THSD7B: variants seen among roughly 807,000 people sequenced by gnomAD.
THSD7B encodes the protein thrombospondin type-1 domain-containing protein 7B.
A neutral mutation model predicts 213.6 loss-of-function variants in THSD7B; 138 were observed. That is an observed-to-expected ratio of 0.65 (90% CI 0.56 to 0.74). THSD7B has a LOEUF of 0.74. Among genes scored for constraint, THSD7B ranks in the 30% least tolerant of loss-of-function variants. The pLI, the probability that THSD7B is intolerant of heterozygous loss-of-function variation, is 0.00. For missense variants in THSD7B, 1,931 were observed against 1,991.5 expected, an observed-to-expected ratio of 0.97 and a Z score of 0.58; for synonymous variants, 742 against 687.0, an observed-to-expected ratio of 1.08 and a Z score of -1.25.
At chr2:137,140,159 A>G (rs1005710887) in intron 5 of THSD7B, among the ~76,000 whole-genome samples, 1 of 151,930 alleles carries the variant, frequency 6.6e-6, no homozygotes, top group African/African-American at 2.4e-5. Context: ...CACACACACT[A>G]TATATATATA....
intron 12 of THSD7B, among the ~76,000 whole-genome samples, chr2:137,282,995 C>T (rs1205031467): frequency 3.3e-5 from 5 of 152,100 alleles, no homozygotes; most frequent in South Asian, 2.1e-4. Flanking sequence ...TTACCTTGGG[C>T]AGTATGGCCA....
At chr2:136,890,331 C>T (rs1573691592) in intron 2 of THSD7B, among the ~76,000 whole-genome samples, 1 of 3,238 alleles carries the variant, frequency 3.1e-4, no homozygotes, top group African/African-American at 8.5e-4. Context: ...TCTTCTTCTT[C>T]TTCTTCTTCT....
chr2:137,614,530 A>G (rs1682347557), intron 17 of THSD7B, among the ~76,000 whole-genome samples: 1 of 152,128 alleles, frequency 6.6e-6, no homozygotes, highest in African/African-American at 2.4e-5. Flanking sequence ...AGATACTTTC[A>G]TTTTATTTTA....
chr2:137,645,764 A>G (rs1456148797), intron 21 of THSD7B, among the ~76,000 whole-genome samples: 1 of 152,146 alleles, frequency 6.6e-6, no homozygotes, highest in Non-Finnish European at 1.5e-5. Flanking sequence ...CATGTATGTT[A>G]CAGTATCTTT....
Position 137,318,529 on chromosome 2 carries a change from C to T in THSD7B, c.2500+42503C>T, listed in dbSNP as rs561236970. On this transcript the variant is annotated intron_variant, in intron 12 of 27. Transcript: ENST00000409968. ...CAGAGGTAATACCCTCACTCCCCCGCCCCCATCCAAAAAAAGCAGGGCACT... is the reference window on the plus strand; with the variant it reads ...CAGAGGTAATACCCTCACTCCCCCGTCCCCATCCAAAAAAAGCAGGGCACT... 4.1e-4 allele frequency among the ~76,000 whole-genome samples: 62 copies of T among 152,066 alleles called. 1 individual carries two copies. The highest frequency in any genetic ancestry group is 1.1e-3 in the Admixed American group (17 of 15,266).
intron 1 of THSD7B, among the ~76,000 whole-genome samples, chr2:136,834,777 C>T (rs1293377673): frequency 1.3e-5 from 2 of 152,084 alleles, no homozygotes; most frequent in Non-Finnish European, 2.9e-5. Flanking sequence ...ACAGCTGCTA[C>T]TTACCACTCA....
intron 1 of THSD7B, among the ~76,000 whole-genome samples, chr2:136,817,223 G>C (rs181897008): frequency 2.0e-5 from 3 of 152,180 alleles, no homozygotes; most frequent in African/African-American, 4.8e-5. Flanking sequence ...TTTGTTTGCT[G>C]TTACTTGTCA....
chr2:137,227,639 G>A (rs560804686), intron 7 of THSD7B, among the ~76,000 whole-genome samples: 6 of 152,228 alleles, frequency 3.9e-5, no homozygotes, highest in Non-Finnish European at 8.8e-5. Flanking sequence ...ATGTATATGG[G>A]CAGATGAGGT....
intron 2 of THSD7B, among the ~76,000 whole-genome samples, chr2:136,962,744 T>TG (rs1321403491): frequency 6.6e-6 from 1 of 152,180 alleles, no homozygotes; most frequent in Non-Finnish European, 1.5e-5. Context: ...CAAAAATGAT[T>TG]GAAAGCACTA....
At chr2:137,318,296 C>T (rs1684174972) in intron 12 of THSD7B, among the ~76,000 whole-genome samples, 2 of 152,108 alleles carry the variant, frequency 1.3e-5, no homozygotes, top group African/African-American at 4.8e-5. Context: ...ACCTCCTAGT[C>T]CAGGTTTAAC....
At chr2:137,396,798 T>C (rs1686203368) in intron 12 of THSD7B, among the ~76,000 whole-genome samples, 1 of 151,714 alleles carries the variant, frequency 6.6e-6, no homozygotes, top group Non-Finnish European at 1.5e-5. Flanking sequence ...TGTGGGAGTC[T>C]AAGTCTCTTT....
In THSD7B at chr2:136,953,217, G is replaced by A. The variant is rs543878189; in HGVS notation, c.139+70900G>A. 4.6e-5 allele frequency among the ~76,000 whole-genome samples: 7 copies of A among 152,314 alleles called. No homozygotes were observed. The South Asian group carries it at 1.5e-3, about 32-fold the overall frequency. On this transcript the variant is annotated intron_variant, in intron 2 of 27. Coordinates refer to ENST00000409968, the MANE Select transcript of THSD7B (RefSeq NM_001316349.2). ...TTTGAGAACAAAGGGATGGGCAGCAGAGGGCCTCTCTGGAAAGAAAAAAAT... is the reference window on the plus strand; with the variant it reads ...TTTGAGAACAAAGGGATGGGCAGCAAAGGGCCTCTCTGGAAAGAAAAAAAT...
chr2:136,871,832 A>G (rs1189896113), intron 1 of THSD7B, among the ~76,000 whole-genome samples: 2 of 152,150 alleles, frequency 1.3e-5, no homozygotes, highest in Non-Finnish European at 2.9e-5. Flanking sequence ...GTGAGAACAA[A>G]TCCACTTACA....
At chr2:137,152,418 A>G (rs1179714015) in intron 5 of THSD7B, among the ~76,000 whole-genome samples, 1 of 152,204 alleles carries the variant, frequency 6.6e-6, no homozygotes, top group African/African-American at 2.4e-5. Flanking sequence ...ATACAAAATC[A>G]TTGTATAGTG....
chr2:137,335,390 T>C (rs1684615897), intron 12 of THSD7B, among the ~76,000 whole-genome samples: 1 of 152,192 alleles, frequency 6.6e-6, no homozygotes, highest in Non-Finnish European at 1.5e-5. Context: ...CTCCTTCTCA[T>C]TCCATGAAGG....
chr2:137,064,359 AT>A, intron 3 of THSD7B, among the ~76,000 whole-genome samples: 1 of 151,778 alleles, frequency 6.6e-6, no homozygotes, highest in East Asian at 1.9e-4. Flanking sequence ...GTATTATTAT[AT>A]TTTTTCCTAT....
chr2:137,291,266 G>A (rs554401567), intron 12 of THSD7B, among the ~76,000 whole-genome samples: 136 of 152,112 alleles, frequency 8.9e-4, no homozygotes, highest in African/African-American at 3.2e-3. Context: ...CATTCTCCCA[G>A]TTGTAATTAA....
intron 2 of THSD7B, among the ~76,000 whole-genome samples, chr2:136,940,633 C>T (rs1455530793): frequency 1.3e-5 from 2 of 150,174 alleles, no homozygotes; most frequent in Admixed American, 1.3e-4. Context: ...CTCCAGCAAT[C>T]CATCCACCTT....
At chr2:137,625,622 G>A (rs1014700863) in intron 20 of THSD7B, among the ~76,000 whole-genome samples, 1 of 152,176 alleles carries the variant, frequency 6.6e-6, no homozygotes, top group Non-Finnish European at 1.5e-5. Flanking sequence ...CAAGAGATGG[G>A]CTCCCAAGGC....
Sources: allele counts gnomAD v4.1 joint callset (sites outside exome capture counted in the v4.1 genomes callset), GRCh38; gene constraint gnomAD v4.1.1; transcripts MANE v1.5; gene names NCBI Gene and HGNC (gene_info 2026-07-23, HGNC 2026-07-21).